The following ADCY8 variants were observed in gnomAD, a reference collection of about 807,000 sequenced individuals.
ADCY8 encodes adenylate cyclase 8.
Under a neutral mutation model 119.7 loss-of-function variants are expected in ADCY8, and 51 were observed. That is an observed-to-expected ratio of 0.43 (90% CI 0.34 to 0.54). ADCY8 has a LOEUF of 0.54. Ranked by LOEUF, ADCY8 falls within the 20% of genes least tolerant of loss-of-function variation. The pLI is 0.03. For synonymous variants in ADCY8, 665 were observed against 651.0 expected (o/e 1.02, Z -0.33); for missense variants, 1,383 against 1,598.8 (o/e 0.87, Z 2.30).
At chr8:130,941,852 A>G (rs1486318993) in intron 4 of ADCY8, among the ~76,000 whole-genome samples, 1 of 152,234 alleles carries the variant, frequency 6.6e-6, no homozygotes, top group Non-Finnish European at 1.5e-5. Flanking sequence ...TCTGCATAAA[A>G]TATCCTGCTC....
intron 1 of ADCY8, chr8:130,990,821 C>G (rs577349195): frequency 1.2e-5 from 3 of 246,514 alleles, no homozygotes; most frequent in African/African-American, 4.5e-5. Flanking sequence ...AAGAGGGAAT[C>G]TGGTTGGCTT....
intron 11 of ADCY8, among the ~76,000 whole-genome samples, chr8:130,844,617 A>G (rs552612774): frequency 6.6e-6 from 1 of 152,300 alleles, no homozygotes; most frequent in Non-Finnish European, 1.5e-5. Flanking sequence ...AGGTCTGAAT[A>G]TCTAATCCAT....
chr8:130,869,587 G>T (rs1293771471), intron 8 of ADCY8, among the ~76,000 whole-genome samples: 1 of 146,884 alleles, frequency 6.8e-6, no homozygotes, highest in Admixed American at 6.8e-5. Flanking sequence ...GTGTGATCTC[G>T]GTTCACTGCA....
At position 131,039,622 on chromosome 8, in the gene ADCY8, A is replaced by C. The variant is rs1563778652; in HGVS notation, c.712T>G (p.Ser238Ala). Residue 238 changes from serine to alanine, a missense_variant, in exon 1 of 18, where the codon TCC becomes GCC. This residue lies in a region of ADCY8 where 455 missense variants were observed against 435.3 expected (regional missense o/e 1.05). Coordinates refer to ENST00000286355, the MANE Select transcript of ADCY8 (RefSeq NM_001115.3). ...CCGCTGTACTGCAGGTACGTGTGGG[A>C]GGTGGTGTCCTTCCTGACCACCACC... ...ALVVVRKDTT[S>A]HTYLQYSGVV... The C allele has an allele frequency of 8.7e-6, 14 of 1,614,084 alleles. No individual in the cohort carries two copies. Among genetic ancestry groups the C allele is most frequent in the Non-Finnish European group, 1.2e-5 (14 of 1,180,026 alleles).
rs1211727634 is a variant in ADCY8 at position 130,785,372 on chromosome 8, GA to G, written c.3153+10del. ...ACCATGCATTGTGGCTGAGTCCAAA[GA>G]GTCCTTTACCTGTTTTTCAGGTGAC... On this transcript the variant is annotated intron_variant, in intron 16 of 17. Transcript: ENST00000286355. The G allele has an allele frequency of 1.9e-6, 3 of 1,594,478 alleles. No individual in the cohort carries two copies. In the African/African-American group the frequency reaches 4.0e-5, roughly 22 times the overall value.
intron 15 of ADCY8, among the ~76,000 whole-genome samples, chr8:130,789,705 G>C (rs1815365028): frequency 6.6e-6 from 1 of 152,234 alleles, no homozygotes; most frequent in African/African-American, 2.4e-5. Flanking sequence ...CAGCTAAGAA[G>C]AGTCAGAACA....
At chr8:130,813,319 A>G (rs1029978157) in intron 14 of ADCY8, among the ~76,000 whole-genome samples, 1 of 152,122 alleles carries the variant, frequency 6.6e-6, no homozygotes, top group African/African-American at 2.4e-5. Context: ...CATCTTCACC[A>G]TCTATCTCTG....
At chr8:131,015,406 C>T (rs1823440807) in intron 1 of ADCY8, among the ~76,000 whole-genome samples, 6 of 152,142 alleles carry the variant, frequency 3.9e-5, no homozygotes, top group Admixed American at 3.9e-4. Flanking sequence ...ATGGTGAGCG[C>T]ACTATGCAGG....
At chr8:131,027,617 G>A (rs968093851) in intron 1 of ADCY8, among the ~76,000 whole-genome samples, 3 of 152,192 alleles carry the variant, frequency 2.0e-5, no homozygotes, top group African/African-American at 7.2e-5. Flanking sequence ...TATCAGACGG[G>A]ATGGAGTCAA....
intron 8 of ADCY8, among the ~76,000 whole-genome samples, chr8:130,876,248 G>C (rs991902474): frequency 6.6e-6 from 1 of 152,056 alleles, no homozygotes; most frequent in East Asian, 1.9e-4. Context: ...GCAGGGTTTT[G>C]CCATGTTGGC....
At chr8:130,963,710 G>C (rs1821677551) in intron 2 of ADCY8, among the ~76,000 whole-genome samples, 1 of 152,060 alleles carries the variant, frequency 6.6e-6, no homozygotes, top group Non-Finnish European at 1.5e-5. Context: ...CCATGCTAGA[G>C]ATGTGGGAAG....
intron 12 of ADCY8, among the ~76,000 whole-genome samples, chr8:130,823,500 G>T (rs1011265984): frequency 7.8e-4 from 108 of 138,720 alleles, no homozygotes; most frequent in African/African-American, 2.9e-3. Flanking sequence ...AGAACATGTT[G>T]AACTAATTTA....
At chr8:130,788,584 A>C (rs1815330492) in intron 15 of ADCY8, among the ~76,000 whole-genome samples, 1 of 152,130 alleles carries the variant, frequency 6.6e-6, no homozygotes, top group African/African-American at 2.4e-5. Flanking sequence ...GACTATAATT[A>C]ATAATAATAT....
chr8:130,937,856 A>T (rs2130626511), intron 4 of ADCY8, among the ~76,000 whole-genome samples: 1 of 152,320 alleles, frequency 6.6e-6, no homozygotes, highest in South Asian at 2.1e-4. Flanking sequence ...TATGCACTAT[A>T]AATAAAACAG....
intron 6 of ADCY8, among the ~76,000 whole-genome samples, chr8:130,907,986 A>T (rs1819845759): frequency 6.6e-6 from 1 of 152,172 alleles, no homozygotes; most frequent in East Asian, 1.9e-4. Context: ...AAGTGAGAAC[A>T]TGTGGTGTTG....
At chr8:130,979,428 G>C (rs1445504267) in intron 2 of ADCY8, among the ~76,000 whole-genome samples, 1 of 152,198 alleles carries the variant, frequency 6.6e-6, no homozygotes, top group East Asian at 1.9e-4. Flanking sequence ...TGGATATTCA[G>C]TAACATGAGG....
intron 1 of ADCY8, among the ~76,000 whole-genome samples, chr8:131,017,349 C>G (rs1332406481): frequency 6.6e-6 from 1 of 152,150 alleles, no homozygotes; most frequent in South Asian, 2.1e-4. Flanking sequence ...GGATGACAGG[C>G]ATGAGCCACC....
chr8:130,910,859 T>A (rs570628541), intron 5 of ADCY8, among the ~76,000 whole-genome samples: 1 of 152,340 alleles, frequency 6.6e-6, no homozygotes, highest in African/African-American at 2.4e-5. Context: ...AATTTTAGTT[T>A]ATGATTAAAT....
At chr8:131,010,202 C>T (rs1823257231) in intron 1 of ADCY8, among the ~76,000 whole-genome samples, 1 of 152,138 alleles carries the variant, frequency 6.6e-6, no homozygotes, top group Admixed American at 6.5e-5. Flanking sequence ...TTTAGGAGGT[C>T]ACAAACACTT....
Sources: gnomAD v4.1 joint callset for allele counts (sites outside exome capture counted in the v4.1 genomes callset) on GRCh38, gnomAD v4.1.1 for gene constraint, gnomAD v4.1.1 regional missense constraint, MANE v1.5 for transcripts, NCBI Gene and HGNC (gene_info 2026-07-23, HGNC 2026-07-21) for gene names.